The following CFAP299 variants were observed in gnomAD, a reference collection of about 807,000 sequenced individuals.
CFAP299 encodes cilia- and flagella-associated protein 299.
In CFAP299, 21 loss-of-function variants were observed where a neutral mutation model predicts 27.0. The ratio of observed to expected loss-of-function variants is 0.78; its 90% confidence interval spans 0.55 to 1.12. The LOEUF (loss-of-function observed/expected upper bound fraction) is 1.12. Among genes scored for constraint, CFAP299 ranks in the 50% most tolerant of loss-of-function variants. The pLI, the probability that CFAP299 is intolerant of heterozygous loss-of-function variation, is 0.00. For synonymous variants in CFAP299, 104 were observed against 98.1 expected (o/e 1.06, Z -0.36); for missense variants, 310 against 276.6 (o/e 1.12, Z -0.86).
At chr4:80,461,526 C>A (rs1729437472) in intron 2 of CFAP299, among the ~76,000 whole-genome samples, 1 of 152,026 alleles carries the variant, frequency 6.6e-6, no homozygotes, top group Non-Finnish European at 1.5e-5. Flanking sequence ...GCCTTAAGGT[C>A]TCTGTTTTAG....
rs532344105 is a variant in CFAP299, at chr4:80,647,525, G to A, written c.333+64342G>A. 2.2e-4 allele frequency among the ~76,000 whole-genome samples: 34 copies of A among 152,148 alleles called. 1 individual carries two copies. In the East Asian group the frequency reaches 5.0e-3, roughly 23 times the overall value. On this transcript the variant is annotated intron_variant, in intron 3 of 5. Coordinates refer to ENST00000358105, the MANE Select transcript of CFAP299 (RefSeq NM_152770.3). ...ATCTGTGCCTAGTGACTCACTAGAC[G>A]ATGAAATGACCCATTTTCTCTGAAA...
chr4:80,724,453 T>A lies in CFAP299; in HGVS notation c.333+141270T>A, dbSNP rs1723028816. ...AATGATTACTCATTTAAAAAATGAG[T>A]AATTTTTTAAATGCACTAATTTGGA... On this transcript the variant is annotated intron_variant, in intron 3 of 5. Coordinates refer to ENST00000358105, the MANE Select transcript of CFAP299 (RefSeq NM_152770.3). Among the ~76,000 whole-genome samples the A allele has an allele frequency of 2.6e-5, 4 of 152,038 alleles. No individual in the cohort carries two copies. The South Asian group carries it at 8.3e-4, about 31-fold the overall frequency.
intron 3 of CFAP299, among the ~76,000 whole-genome samples, chr4:80,722,731 T>G (rs1338088397): frequency 6.6e-6 from 1 of 151,856 alleles, no homozygotes; most frequent in Non-Finnish European, 1.5e-5. Context: ...AAACCCCGTC[T>G]CTACTAAAAA....
intron 2 of CFAP299, among the ~76,000 whole-genome samples, chr4:80,502,338 C>A (rs1342901288): frequency 6.6e-6 from 1 of 152,008 alleles, no homozygotes; most frequent in Non-Finnish European, 1.5e-5. Context: ...CCACCTTGCC[C>A]ATCAGTTTAC....
intron 2 of CFAP299, among the ~76,000 whole-genome samples, chr4:80,441,200 G>C (rs1578445898): frequency 6.6e-6 from 1 of 152,110 alleles, no homozygotes; most frequent in Non-Finnish European, 1.5e-5. Flanking sequence ...AGGAAATACA[G>C]AGAACACCAC....
At chr4:80,394,659 AAAC>A (rs1483702759) in intron 2 of CFAP299, among the ~76,000 whole-genome samples, 2 of 152,262 alleles carry the variant, frequency 1.3e-5, no homozygotes, top group African/African-American at 4.8e-5. Flanking sequence ...TCAGTTTTCC[AAAC>A]AACATTTTTT....
intron 3 of CFAP299, among the ~76,000 whole-genome samples, chr4:80,592,428 A>T (rs1009469449): frequency 1.3e-5 from 2 of 152,190 alleles, no homozygotes; most frequent in African/African-American, 4.8e-5. Flanking sequence ...AACAAGTACC[A>T]TGGCTTTCAT....
chr4:80,675,725 C>T (rs964602946), intron 3 of CFAP299, among the ~76,000 whole-genome samples: 2 of 151,912 alleles, frequency 1.3e-5, no homozygotes, highest in African/African-American at 4.9e-5. Flanking sequence ...ACTATGTTTA[C>T]CCACTCAAGT....
chr4:80,963,377 G>A (rs1446738403), intron 5 of CFAP299, 140 bp from the exon 6 acceptor site: 4 of 600,708 alleles, frequency 6.7e-6, no homozygotes, highest in Non-Finnish European at 1.2e-5. Context: ...AGACTAGGGG[G>A]AAAACATGTA....
chr4:80,886,812 C>T (rs1403255419), intron 4 of CFAP299, among the ~76,000 whole-genome samples: 1 of 151,890 alleles, frequency 6.6e-6, no homozygotes, highest in Non-Finnish European at 1.5e-5. Flanking sequence ...TAGGAGAAAA[C>T]TCGAAGAAAT....
chr4:80,952,788 C>G (rs1737851227), intron 5 of CFAP299, among the ~76,000 whole-genome samples: 1 of 151,944 alleles, frequency 6.6e-6, no homozygotes, highest in Non-Finnish European at 1.5e-5. Flanking sequence ...TCAGGCAACC[C>G]CCACGCAAGC....
intron 3 of CFAP299, among the ~76,000 whole-genome samples, chr4:80,805,947 T>C (rs911938716): frequency 2.0e-5 from 3 of 152,034 alleles, no homozygotes; most frequent in African/African-American, 7.2e-5. Flanking sequence ...AGAATATCTC[T>C]GCACTCAAGG....
Position 80,960,527 on chromosome 4 carries a change from G to A in CFAP299, c.607-2990G>A, listed in dbSNP as rs148019617. Among the ~76,000 whole-genome samples, 25 of 151,912 alleles carry A rather than the reference G, an allele frequency of 1.6e-4. No individual in the cohort carries two copies. In the East Asian group the frequency reaches 4.4e-3, roughly 27 times the overall value. ...AGTCTCAAGATTGTACAGAGGTTCT[G>A]AGACTGGGAGAATCAAGGGAGGGAA... is the stretch of plus-strand genomic sequence containing the variant. On this transcript the variant is annotated intron_variant, in intron 5 of 5. Coordinates refer to ENST00000358105, the MANE Select transcript of CFAP299 (RefSeq NM_152770.3).
At chr4:80,709,554 C>T (rs529069423) in intron 3 of CFAP299, among the ~76,000 whole-genome samples, 6 of 152,274 alleles carry the variant, frequency 3.9e-5, no homozygotes, top group African/African-American at 1.4e-4. Flanking sequence ...CTTAGGAGTT[C>T]AGATGCTGGA....
rs370820081 is a variant in CFAP299, at chr4:80,352,137, C to T, written c.112-10617C>T. 2.2e-4 allele frequency among the ~76,000 whole-genome samples: 34 copies of T among 152,166 alleles called. 1 individual carries two copies. The South Asian group carries it at 6.2e-3, about 28-fold the overall frequency. On this transcript the variant is annotated intron_variant, in intron 1 of 5. Transcript: ENST00000358105. ...GCTTACATGCCTCATGCCAGATCCT[C>T]AAAATGCGTTATGCAAAATTGATAA...
chr4:80,799,317 T>A (rs1446703321), intron 3 of CFAP299, among the ~76,000 whole-genome samples: 1 of 104,946 alleles, frequency 9.5e-6, no homozygotes, highest in African/African-American at 4.1e-5. Context: ...TTTATATATA[T>A]AAATATATTT....
chr4:80,578,889 T>C (rs1161546787), intron 2 of CFAP299, among the ~76,000 whole-genome samples: 2 of 152,180 alleles, frequency 1.3e-5, no homozygotes, highest in Non-Finnish European at 2.9e-5. Context: ...AGTAATACAG[T>C]CTCCTGGGAA....
chr4:80,366,369 G>A (rs1723833250), intron 2 of CFAP299, among the ~76,000 whole-genome samples: 1 of 152,174 alleles, frequency 6.6e-6, no homozygotes, highest in Non-Finnish European at 1.5e-5. Flanking sequence ...ACTCACAATA[G>A]CTTCACAGGG....
At chr4:80,406,028 A>G (rs1726398902) in intron 2 of CFAP299, among the ~76,000 whole-genome samples, 1 of 152,186 alleles carries the variant, frequency 6.6e-6, no homozygotes, top group African/African-American at 2.4e-5. Context: ...AGGATAGATC[A>G]TGTCATGACT....
Sources: allele counts gnomAD v4.1 joint callset (sites outside exome capture counted in the v4.1 genomes callset), GRCh38; gene constraint gnomAD v4.1.1; transcripts MANE v1.5; gene names NCBI Gene and HGNC (gene_info 2026-07-23, HGNC 2026-07-21).